SORCS2: variants seen among roughly 807,000 people sequenced by gnomAD.
SORCS2 encodes the protein sortilin related VPS10 domain containing receptor 2.
Under a neutral mutation model 141.6 loss-of-function variants are expected in SORCS2, and 100 were observed. That is an observed-to-expected ratio of 0.71 (90% CI 0.60 to 0.83). SORCS2 has a LOEUF of 0.83. Ranked by LOEUF, SORCS2 falls within the 40% of genes least tolerant of loss-of-function variation. SORCS2 has a pLI of 0.00. For synonymous variants in SORCS2, 789 were observed against 676.9 expected, an observed-to-expected ratio of 1.17 and a Z score of -2.57; for missense variants, 1,646 against 1,560.2, an observed-to-expected ratio of 1.05 and a Z score of -0.93.
chr4:7,569,874 T>C (rs1041871843), intron 3 of SORCS2, among the ~76,000 whole-genome samples: 9 of 152,194 alleles, frequency 5.9e-5, no homozygotes, highest in Non-Finnish European at 1.0e-4. Context: ...TCGGAGCCAC[T>C]GGGTGGATGT....
intron 3 of SORCS2, among the ~76,000 whole-genome samples, chr4:7,597,197 GA>G (rs1168985017): frequency 6.6e-6 from 1 of 151,142 alleles, no homozygotes; most frequent in Non-Finnish European, 1.5e-5. Context: ...TACAATGGAA[GA>G]GGGGGCTATT....
At chr4:7,558,905 TA>T (rs1258364247) in intron 3 of SORCS2, among the ~76,000 whole-genome samples, 1 of 152,222 alleles carries the variant, frequency 6.6e-6, no homozygotes, top group African/African-American at 2.4e-5. Flanking sequence ...CCCACATGGC[TA>T]ACCTCCGAGG....
intron 2 of SORCS2, among the ~76,000 whole-genome samples, chr4:7,520,615 C>T (rs551135034): frequency 4.2e-4 from 64 of 152,272 alleles, no homozygotes; most frequent in Admixed American, 9.8e-4. Context: ...GGTTGGGAGA[C>T]GCGGCTCAGG....
At chr4:7,549,875 CAT>C (rs1444412516) in intron 3 of SORCS2, among the ~76,000 whole-genome samples, 1 of 152,178 alleles carries the variant, frequency 6.6e-6, no homozygotes, top group Non-Finnish European at 1.5e-5. Context: ...GAATGAAACA[CAT>C]GAGTCCCACC....
intron 3 of SORCS2, among the ~76,000 whole-genome samples, chr4:7,544,573 C>T (rs1713098454): frequency 6.6e-6 from 1 of 152,236 alleles, no homozygotes; most frequent in Non-Finnish European, 1.5e-5. Flanking sequence ...GGGGTGAGCT[C>T]TCAGGGGATG....
intron 9 of SORCS2, among the ~76,000 whole-genome samples, chr4:7,678,911 GCACCTTCCT>G (rs1281141097): frequency 6.6e-6 from 1 of 152,188 alleles, no homozygotes. Flanking sequence ...AATGGTAGTG[GCACCTTCCT>G]CACAGGGTTG....
At chr4:7,282,883 G>A (rs896517770) in intron 1 of SORCS2, among the ~76,000 whole-genome samples, 4 of 152,306 alleles carry the variant, frequency 2.6e-5, no homozygotes, top group Non-Finnish European at 1.5e-5. Context: ...AGGATGGCTG[G>A]GAAGTGGGGG....
chr4:7,407,862 G>C (rs1481132600), intron 2 of SORCS2, among the ~76,000 whole-genome samples: 1 of 151,680 alleles, frequency 6.6e-6, no homozygotes, highest in African/African-American at 2.4e-5. Flanking sequence ...TTGCATTATG[G>C]TTATCATGAG....
At chr4:7,452,739 G>A (rs1728545334) in intron 2 of SORCS2, among the ~76,000 whole-genome samples, 1 of 152,252 alleles carries the variant, frequency 6.6e-6, no homozygotes, top group African/African-American at 2.4e-5. Context: ...TCCTAGGATT[G>A]CCGGAAAGAT....
At chr4:7,441,392 T>C (rs900920982) in intron 2 of SORCS2, among the ~76,000 whole-genome samples, 4 of 151,908 alleles carry the variant, frequency 2.6e-5, no homozygotes, top group Non-Finnish European at 5.9e-5. Context: ...AGCCGGGCAG[T>C]GAGTGGGGAC....
intron 2 of SORCS2, chr4:7,430,722 C>T (rs1001240274): frequency 2.6e-5 from 4 of 152,276 alleles, no homozygotes; most frequent in African/African-American, 9.6e-5. Flanking sequence ...ATGGGTCTCC[C>T]AAACTTCTAG....
intron 2 of SORCS2, among the ~76,000 whole-genome samples, chr4:7,522,547 G>A (rs1184952602): frequency 1.3e-5 from 2 of 152,126 alleles, no homozygotes; most frequent in Admixed American, 6.5e-5. Flanking sequence ...CCTGCGGGAC[G>A]GCACCAGGCA....
At chr4:7,276,928 G>A (rs1715538721) in intron 1 of SORCS2, among the ~76,000 whole-genome samples, 1 of 152,232 alleles carries the variant, frequency 6.6e-6, no homozygotes, top group Admixed American at 6.5e-5. Context: ...AGGATTGGAA[G>A]GGAAGCCATG....
At chr4:7,203,198 G>A (rs980068794) in intron 1 of SORCS2, among the ~76,000 whole-genome samples, 1 of 152,354 alleles carries the variant, frequency 6.6e-6, no homozygotes, top group East Asian at 1.9e-4. Flanking sequence ...TTGGGAGGCC[G>A]AGGCAGGTGG....
At chr4:7,466,922 G>C (rs917861249) in intron 2 of SORCS2, among the ~76,000 whole-genome samples, 1 of 152,138 alleles carries the variant, frequency 6.6e-6, no homozygotes, top group African/African-American at 2.4e-5. Flanking sequence ...AAATGCCAGG[G>C]GAGGCACCCT....
intron 3 of SORCS2, among the ~76,000 whole-genome samples, chr4:7,572,609 G>T (rs1423275054): frequency 6.6e-6 from 1 of 152,196 alleles, no homozygotes; most frequent in Non-Finnish European, 1.5e-5. Context: ...AAAGCATTCT[G>T]CACAAAGATG....
At chr4:7,724,168 G>GAT (rs1164302833) in intron 19 of SORCS2, among the ~76,000 whole-genome samples, 18 of 148,778 alleles carry the variant, frequency 1.2e-4, no homozygotes, top group African/African-American at 3.7e-4. Flanking sequence ...TGGTGATGGT[G>GAT]GTGATGGTGA....
At chr4:7,314,829 T>TTTTTTG (rs1560185676) in intron 1 of SORCS2, among the ~76,000 whole-genome samples, 6 of 116,516 alleles carry the variant, frequency 5.1e-5, no homozygotes, top group African/African-American at 2.1e-4. Context: ...TTTTTTTTTT[T>TTTTTTG]ATTGTTGTTG....
chr4:7,371,664 G>A (rs1227994037), intron 1 of SORCS2, among the ~76,000 whole-genome samples: 1 of 152,148 alleles, frequency 6.6e-6, no homozygotes, highest in Non-Finnish European at 1.5e-5. Flanking sequence ...TTCTGGAGCT[G>A]TAGGTTTTAA....
Sources: allele counts gnomAD v4.1 joint callset (sites outside exome capture counted in the v4.1 genomes callset), GRCh38; gene constraint gnomAD v4.1.1; transcripts MANE v1.5; gene names NCBI Gene and HGNC (gene_info 2026-07-23, HGNC 2026-07-21).